The following COLEC10 variants were observed in gnomAD, a reference collection of about 807,000 sequenced individuals.
COLEC10 encodes the protein collectin subfamily member 10.
In COLEC10, 22 loss-of-function variants were observed where a neutral mutation model predicts 28.4. That is an observed-to-expected ratio of 0.78 (90% CI 0.55 to 1.11). The LOEUF (loss-of-function observed/expected upper bound fraction) is 1.11. Ranked by LOEUF, COLEC10 falls within the 50% of genes least tolerant of loss-of-function variation. The pLI is 0.00. For synonymous variants in COLEC10, 125 were observed against 116.1 expected (o/e 1.08, Z -0.49); for missense variants, 361 against 344.1 (o/e 1.05, Z -0.39).
intron 1 of COLEC10, among the ~76,000 whole-genome samples, chr8:118,999,396 G>T (rs190476670): frequency 2.8e-4 from 43 of 152,042 alleles, no homozygotes; most frequent in Non-Finnish European, 5.9e-5. Context: ...TTTGAGACCA[G>T]CCTGGTCAAC....
chr8:118,978,281 G>T, the COLEC10 span, among the ~76,000 whole-genome samples: 2,092 of 152,130 alleles, frequency 0.014, 19 homozygotes, highest in Non-Finnish European at 0.022. Context: ...AGTCAATATG[G>T]TGTCACATTT....
At chr8:119,069,629 AATATATATATATATATATAT>A (rs1207445435) in intron 1 of COLEC10, among the ~76,000 whole-genome samples, 2 of 42,882 alleles carry the variant, frequency 4.7e-5, no homozygotes, top group South Asian at 1.5e-3. Context: ...AAAAAAAAAA[AATATATATATATATATATAT>A]ATATATATAT....
intron 2 of COLEC10, among the ~76,000 whole-genome samples, chr8:119,052,086 C>T (rs1026929750): frequency 1.3e-5 from 2 of 152,136 alleles, no homozygotes; most frequent in East Asian, 3.9e-4. Flanking sequence ...ATAGAAAATA[C>T]ACCAGGATGG....
upstream of COLEC10, among the ~76,000 whole-genome samples, chr8:118,993,588 A>G (rs563823384): frequency 2.6e-5 from 4 of 152,142 alleles, no homozygotes; most frequent in African/African-American, 9.6e-5. Flanking sequence ...CTCCTGACAT[A>G]AGGTGAGCCA....
At chr8:119,102,447 G>A in intron 4 of COLEC10, 46 bp downstream of exon 4, 1 of 1,450,556 alleles carries the variant, frequency 6.9e-7, no homozygotes, top group South Asian at 1.2e-5. Flanking sequence ...ATGATTCCAA[G>A]TTTATTCATC....
At chr8:119,014,377 AC>A (rs1168108263) in intron 2 of COLEC10, among the ~76,000 whole-genome samples, 1 of 149,288 alleles carries the variant, frequency 6.7e-6, no homozygotes, top group Non-Finnish European at 1.5e-5. Context: ...TCCCCTCAAC[AC>A]TAAACACTTT....
At chr8:119,040,356 G>A (rs1343458461) in intron 2 of COLEC10, among the ~76,000 whole-genome samples, 5 of 152,200 alleles carry the variant, frequency 3.3e-5, no homozygotes, top group Non-Finnish European at 5.9e-5. Context: ...TCTTGAGAGA[G>A]AAATGGATTT....
At chr8:119,035,043 C>T (rs907736771) in intron 2 of COLEC10, among the ~76,000 whole-genome samples, 4 of 152,168 alleles carry the variant, frequency 2.6e-5, no homozygotes, top group African/African-American at 9.7e-5. Flanking sequence ...TGGGCAAGAC[C>T]ATCTATACAA....
intron 2 of COLEC10, among the ~76,000 whole-genome samples, chr8:119,056,849 G>A (rs1411317985): frequency 6.6e-6 from 1 of 151,900 alleles, no homozygotes; most frequent in Non-Finnish European, 1.5e-5. Flanking sequence ...TGCCCTTCAG[G>A]ATCTAGTCCT....
At chr8:119,020,414 C>T (rs181228173) in intron 2 of COLEC10, among the ~76,000 whole-genome samples, 35 of 152,146 alleles carry the variant, frequency 2.3e-4, no homozygotes, top group African/African-American at 7.7e-4. Context: ...GAGGTTTTTG[C>T]CTTTTCCAAA....
intron 2 of COLEC10, among the ~76,000 whole-genome samples, chr8:119,047,678 A>G (rs1814608732): frequency 6.6e-6 from 1 of 152,198 alleles, no homozygotes; most frequent in Non-Finnish European, 1.5e-5. Context: ...GTAAAAACCA[A>G]TTAGTAAAAA....
chr8:119,014,729 G>A (rs1436668809), intron 2 of COLEC10, among the ~76,000 whole-genome samples: 1 of 150,814 alleles, frequency 6.6e-6, no homozygotes, highest in East Asian at 1.9e-4. Flanking sequence ...CACAATTCTT[G>A]TATATTCTGC....
intron 2 of COLEC10, among the ~76,000 whole-genome samples, chr8:119,090,585 A>G (rs1482771795): frequency 6.6e-6 from 1 of 152,220 alleles, no homozygotes; most frequent in Non-Finnish European, 1.5e-5. Flanking sequence ...TTAATTGGCA[A>G]ATATTTTTTA....
intron 3 of COLEC10, among the ~76,000 whole-genome samples, chr8:119,095,827 A>G (rs1039499649): frequency 6.6e-6 from 1 of 152,224 alleles, no homozygotes; most frequent in African/African-American, 2.4e-5. Flanking sequence ...TTTTGAAAAA[A>G]TGAAAAATAA....
chr8:118,954,734 C>G, the COLEC10 span, among the ~76,000 whole-genome samples: 1 of 152,214 alleles, frequency 6.6e-6, no homozygotes, highest in Non-Finnish European at 1.5e-5. Flanking sequence ...GGATTGACCC[C>G]CAGTGACTGT....
At chr8:119,001,160 A>T (rs1014810202) in intron 1 of COLEC10, among the ~76,000 whole-genome samples, 9 of 152,174 alleles carry the variant, frequency 5.9e-5, no homozygotes, top group African/African-American at 1.7e-4. Context: ...TGAGGATGCT[A>T]ATCATTGCAT....
At chr8:119,033,455 A>C (rs1363139608) in intron 2 of COLEC10, among the ~76,000 whole-genome samples, 1 of 152,220 alleles carries the variant, frequency 6.6e-6, no homozygotes, top group Non-Finnish European at 1.5e-5. Flanking sequence ...TCAGGTGAAA[A>C]GGCAACCTAT....
At chr8:119,044,447 A>G (rs1325669036) in intron 2 of COLEC10, among the ~76,000 whole-genome samples, 2 of 152,208 alleles carry the variant, frequency 1.3e-5, no homozygotes, top group Non-Finnish European at 2.9e-5. Flanking sequence ...GTAGTTTTGC[A>G]AGGTGTATTC....
intron 1 of COLEC10, among the ~76,000 whole-genome samples, chr8:119,087,719 T>C (rs945224325): frequency 6.6e-6 from 1 of 152,096 alleles, no homozygotes; most frequent in Non-Finnish European, 1.5e-5. Context: ...CCAAATTCTG[T>C]AAAATCCACC....
Sources: allele counts gnomAD v4.1 joint callset (sites outside exome capture counted in the v4.1 genomes callset), GRCh38; gene constraint gnomAD v4.1.1; transcripts MANE v1.5; gene names NCBI Gene and HGNC (gene_info 2026-07-23, HGNC 2026-07-21).